Variants in BCKDHB observed in about 807,000 individuals in gnomAD.
BCKDHB encodes branched chain keto acid dehydrogenase E1 subunit beta.
A neutral mutation model predicts 48.5 loss-of-function variants in BCKDHB; 41 were observed. That is an observed-to-expected ratio of 0.85 (90% CI 0.66 to 1.10). The LOEUF is 1.10. BCKDHB is among the 50% of genes least tolerant of loss of function. BCKDHB has a pLI of 0.00. For synonymous variants in BCKDHB, 201 were observed against 174.8 expected (o/e 1.15, Z -1.18); for missense variants, 496 against 494.2 (o/e 1.00, Z -0.03).
the BCKDHB span, among the ~76,000 whole-genome samples, chr6:80,424,199 G>A: frequency 1.1e-4 from 17 of 152,238 alleles, no homozygotes; most frequent in East Asian, 1.9e-3. Flanking sequence ...GTTTTCAGAA[G>A]CTATTTAGTG....
chr6:80,200,492 T>C (rs1774339364), intron 6 of BCKDHB, among the ~76,000 whole-genome samples: 1 of 152,202 alleles, frequency 6.6e-6, no homozygotes. Flanking sequence ...TTTTATCACA[T>C]GTAATAACAA....
At chr6:80,453,461 A>T in the BCKDHB span, among the ~76,000 whole-genome samples, 1 of 152,240 alleles carries the variant, frequency 6.6e-6, no homozygotes, top group Non-Finnish European at 1.5e-5. Flanking sequence ...TAATGACCAG[A>T]CATATAGGAC....
chr6:80,306,224 G>A (rs1767870903), intron 9 of BCKDHB, among the ~76,000 whole-genome samples: 1 of 152,132 alleles, frequency 6.6e-6, no homozygotes, highest in South Asian at 2.1e-4. Context: ...TTAATTTAAT[G>A]TTAAATTGTA....
chr6:80,208,059 C>G (rs1200447342), intron 8 of BCKDHB, among the ~76,000 whole-genome samples: 1 of 151,724 alleles, frequency 6.6e-6, no homozygotes, highest in African/African-American at 2.4e-5. Context: ...TAGCATTTGT[C>G]AAAATTGGCC....
chr6:80,112,411 G>T (rs1432862682), intron 1 of BCKDHB, among the ~76,000 whole-genome samples: 1 of 152,106 alleles, frequency 6.6e-6, no homozygotes, highest in Non-Finnish European at 1.5e-5. Flanking sequence ...ATGCTAACCA[G>T]GCCAACCCTA....
chr6:80,414,609 A>G, the BCKDHB span, among the ~76,000 whole-genome samples: 3 of 152,218 alleles, frequency 2.0e-5, no homozygotes, highest in Middle Eastern at 3.4e-3. Flanking sequence ...ATTCTGTTCT[A>G]TTGGCCTACA....
chr6:80,149,324 G>C (rs1582235991), intron 3 of BCKDHB, among the ~76,000 whole-genome samples: 1 of 152,130 alleles, frequency 6.6e-6, no homozygotes, highest in African/African-American at 2.4e-5. Context: ...GAAACAACAG[G>C]TGCTGGAGAG....
Position 80,268,462 on chromosome 6 carries a change from G to A in BCKDHB, c.952-4673G>A, listed in dbSNP as rs183609546. On this transcript the variant is annotated intron_variant, in intron 8 of 9. Transcript: ENST00000320393. ...TTTGCTTTTTATTAGCTTTATATTC[G>A]GATAGAAAATATTAAAAGGGCTATA... 1.1e-4 allele frequency among the ~76,000 whole-genome samples: 16 copies of A among 151,766 alleles called. No homozygotes were observed. The East Asian group carries it at 1.4e-3, about 13-fold the overall frequency.
the BCKDHB span, among the ~76,000 whole-genome samples, chr6:80,422,448 C>T: frequency 3.2e-3 from 484 of 152,320 alleles, 4 homozygotes; most frequent in Non-Finnish European, 5.2e-3. Flanking sequence ...CCCAATGGGG[C>T]ACTGCCTAGT....
chr6:80,241,191 G>A (rs533606351), intron 8 of BCKDHB, among the ~76,000 whole-genome samples: 9 of 152,120 alleles, frequency 5.9e-5, no homozygotes, highest in African/African-American at 4.8e-5. Context: ...CGATGGATTC[G>A]AACATCCTCC....
the BCKDHB span, among the ~76,000 whole-genome samples, chr6:80,459,154 A>C: frequency 6.6e-6 from 1 of 152,204 alleles, no homozygotes; most frequent in Admixed American, 6.5e-5. Context: ...AATTGAAATT[A>C]GTATTTCAAA....
At chr6:80,146,669 G>C (rs1006006810) in intron 3 of BCKDHB, among the ~76,000 whole-genome samples, 7 of 152,118 alleles carry the variant, frequency 4.6e-5, no homozygotes, top group Non-Finnish European at 1.0e-4. Flanking sequence ...TTACATTAAA[G>C]AATTGCCCAA....
the BCKDHB span, among the ~76,000 whole-genome samples, chr6:80,402,818 AT>A: frequency 2.0e-5 from 3 of 151,720 alleles, no homozygotes; most frequent in Non-Finnish European, 4.4e-5. Flanking sequence ...ATTTTTTTGC[AT>A]GCACATAACC....
At chr6:80,168,845 C>A in intron 4 of BCKDHB, 30 bp from the exon 5 acceptor site, 1 of 1,609,976 alleles carries the variant, frequency 6.2e-7, no homozygotes. Context: ...ACTCATTGTG[C>A]CATGCCCCGT....
intron 9 of BCKDHB, among the ~76,000 whole-genome samples, chr6:80,300,184 TG>T (rs1181903929): frequency 6.6e-6 from 1 of 151,990 alleles, no homozygotes; most frequent in Non-Finnish European, 1.5e-5. Flanking sequence ...CCCAAATAGC[TG>T]GGACCACAGG....
chr6:80,200,896 A>G, intron 6 of BCKDHB, 38 bp from the exon 7 acceptor site: 1 of 1,499,454 alleles, frequency 6.7e-7, no homozygotes, highest in Non-Finnish European at 9.3e-7. Context: ...TCACCTCAGA[A>G]AAAATGTCCT....
At chr6:80,107,578 T>TATATGCACAC (rs1769193265) in intron 1 of BCKDHB, among the ~76,000 whole-genome samples, 5 of 146,690 alleles carry the variant, frequency 3.4e-5, no homozygotes, top group African/African-American at 1.0e-4. Context: ...TGCATATATG[T>TATATGCACAC]ATATATGTCC....
chr6:80,261,576 G>A (rs180993929), intron 8 of BCKDHB, among the ~76,000 whole-genome samples: 1 of 152,134 alleles, frequency 6.6e-6, no homozygotes, highest in East Asian at 1.9e-4. Context: ...GGCAGTAGGG[G>A]AAGATACCAC....
intron 3 of BCKDHB, among the ~76,000 whole-genome samples, chr6:80,153,101 C>G (rs1771868801): frequency 6.6e-6 from 1 of 152,152 alleles, no homozygotes; most frequent in African/African-American, 2.4e-5. Flanking sequence ...CAGGAGTTGC[C>G]TTTGATCTTC....
Sources: gnomAD v4.1 joint callset for allele counts (sites outside exome capture counted in the v4.1 genomes callset) on GRCh38, gnomAD v4.1.1 for gene constraint, MANE v1.5 for transcripts, NCBI Gene and HGNC (gene_info 2026-07-23, HGNC 2026-07-21) for gene names.